Variants in DYNC1I1 observed in about 807,000 individuals in gnomAD.
DYNC1I1 encodes cytoplasmic dynein 1 intermediate chain 1.
Under a neutral mutation model 86.6 loss-of-function variants are expected in DYNC1I1, and 43 were observed. The ratio of observed to expected loss-of-function variants is 0.50; its 90% CI spans 0.39 to 0.64. DYNC1I1 has a LOEUF of 0.64. Ranked by LOEUF, DYNC1I1 falls within the 30% of genes least tolerant of loss-of-function variation. DYNC1I1 has a pLI of 0.00. For synonymous variants in DYNC1I1, 262 were observed against 283.7 expected, an observed-to-expected ratio of 0.92 and a Z score of 0.77; for missense variants, 604 against 788.8, an observed-to-expected ratio of 0.77 and a Z score of 2.81.
intron 6 of DYNC1I1, among the ~76,000 whole-genome samples, chr7:95,885,556 G>T (rs968486845): frequency 6.6e-6 from 1 of 152,096 alleles, no homozygotes; most frequent in Non-Finnish European, 1.5e-5. Flanking sequence ...ATAGCTCACT[G>T]CAGGCTCAAC....
chr7:95,980,536 C>CTTTTTT (rs56835338), intron 7 of DYNC1I1, among the ~76,000 whole-genome samples: 1 of 54,428 alleles, frequency 1.8e-5, no homozygotes. Context: ...AGAAATCTGG[C>CTTTTTT]TTTTTTTTTT....
chr7:95,847,576 C>A (rs1789467710), intron 5 of DYNC1I1, among the ~76,000 whole-genome samples: 1 of 152,158 alleles, frequency 6.6e-6, no homozygotes, highest in Non-Finnish European at 1.5e-5. Context: ...TCTTACCCAG[C>A]AACTTTTAAT....
chr7:95,855,601 T>C (rs1054998048), intron 5 of DYNC1I1, among the ~76,000 whole-genome samples: 1 of 152,336 alleles, frequency 6.6e-6, no homozygotes, highest in Non-Finnish European at 1.5e-5. Context: ...TAGAATGTAC[T>C]TACACAAGCG....
At chr7:95,893,159 C>T (rs1213169983) in intron 6 of DYNC1I1, among the ~76,000 whole-genome samples, 7 of 152,166 alleles carry the variant, frequency 4.6e-5, no homozygotes, top group Non-Finnish European at 1.5e-5. Flanking sequence ...CCACAACAGG[C>T]TGATTTCCAA....
intron 10 of DYNC1I1, among the ~76,000 whole-genome samples, chr7:96,000,798 A>AG (rs368913133): frequency 3.3e-5 from 5 of 152,252 alleles, no homozygotes; most frequent in African/African-American, 1.2e-4. Flanking sequence ...CATCTGGGGA[A>AG]GTTAGAATTA....
At chr7:95,922,109 A>G (rs1791625010) in intron 6 of DYNC1I1, among the ~76,000 whole-genome samples, 1 of 152,306 alleles carries the variant, frequency 6.6e-6, no homozygotes, top group African/African-American at 2.4e-5. Flanking sequence ...AATTTCAATG[A>G]CACAAAATTA....
intron 1 of DYNC1I1, among the ~76,000 whole-genome samples, chr7:95,780,296 G>A (rs1319911189): frequency 2.6e-5 from 4 of 151,320 alleles, no homozygotes; most frequent in Admixed American, 6.6e-5. Context: ...TTTTGAGACG[G>A]AGTCTCTGTC....
At position 96,039,324 on chromosome 7, in the gene DYNC1I1, C is replaced by T; in HGVS notation, c.1412C>T (p.Thr471Ile). 1 of 1,614,110 alleles carries T rather than the reference C, an allele frequency of 6.2e-7. No homozygotes were observed. Among genetic ancestry groups the T allele is most frequent in the Non-Finnish European group, 8.5e-7 (1 of 1,179,982 alleles). ...TTTGAAGGTCACCAAGGGCCAGTGA[C>T]AGGAATTAACTGCCACATGGCAGTG... is the stretch of plus-strand genomic sequence containing the variant. ...EVFEGHQGPV[T>I]GINCHMAVGP... Residue 471 changes from threonine to isoleucine, a missense_variant, in exon 14 of 17, where the codon ACA becomes ATA. Physicochemically the swap from Thr to Ile is moderately conservative, Grantham distance 89 (BLOSUM62 -1). Coordinates refer to ENST00000447467, the MANE Select transcript of DYNC1I1 (RefSeq NM_001135556.2).
At chr7:95,988,083 A>T in intron 9 of DYNC1I1, among the ~76,000 whole-genome samples, 1 of 152,194 alleles carries the variant, frequency 6.6e-6, no homozygotes, top group East Asian at 1.9e-4. Context: ...TAAAATAAAA[A>T]TCTGATCACT....
intron 5 of DYNC1I1, among the ~76,000 whole-genome samples, chr7:95,840,608 AT>A (rs1212414410): frequency 2.0e-5 from 3 of 152,042 alleles, no homozygotes; most frequent in Admixed American, 2.0e-4. Context: ...ACATATTTTC[AT>A]TTTCTTTGAT....
chr7:95,863,447 T>A (rs554814114), intron 5 of DYNC1I1, among the ~76,000 whole-genome samples: 1 of 152,272 alleles, frequency 6.6e-6, no homozygotes, highest in Admixed American at 6.5e-5. Context: ...ATTTTGTGAA[T>A]ATACTAATAA....
At chr7:95,995,184 T>C (rs1194932411) in intron 9 of DYNC1I1, among the ~76,000 whole-genome samples, 2 of 151,752 alleles carry the variant, frequency 1.3e-5, no homozygotes, top group Non-Finnish European at 2.9e-5. Flanking sequence ...GAGGTGGAGC[T>C]TGTAGTGAGC....
At position 96,072,871 on chromosome 7, in the gene DYNC1I1, T is replaced by C. The variant is rs563683328; in HGVS notation, c.1510-3186T>C. Among the ~76,000 whole-genome samples, 4 of 152,332 alleles carry C rather than the reference T, an allele frequency of 2.6e-5. No individual in the cohort carries two copies. In the South Asian group the frequency reaches 6.2e-4, roughly 24 times the overall value. On this transcript the variant is annotated intron_variant, in intron 14 of 16. Transcript: ENST00000447467. ...ATATACATGAGTTTACCTTAAAATA[T>C]TTTATGCATGAGACAGATTTTTTTA...
intron 16 of DYNC1I1, among the ~76,000 whole-genome samples, chr7:96,091,805 A>AT (rs1790856811): frequency 6.6e-6 from 1 of 152,134 alleles, no homozygotes; most frequent in Admixed American, 6.6e-5. Context: ...AAGTCATTTG[A>AT]TTTTTTTAAC....
At chr7:95,901,380 A>G (rs1791032976) in intron 6 of DYNC1I1, among the ~76,000 whole-genome samples, 1 of 152,214 alleles carries the variant, frequency 6.6e-6, no homozygotes, top group African/African-American at 2.4e-5. Flanking sequence ...AGTAGAATGT[A>G]TCATTGCATC....
intron 10 of DYNC1I1, among the ~76,000 whole-genome samples, chr7:96,018,973 A>G (rs1794472982): frequency 6.6e-6 from 1 of 152,226 alleles, no homozygotes; most frequent in African/African-American, 2.4e-5. Context: ...TTAAATACAC[A>G]GATCACTAGA....
rs150673205 is a variant in DYNC1I1 at position 95,978,988 on chromosome 7, G to T, written c.580+1387G>T. 7.6e-3 allele frequency among the ~76,000 whole-genome samples: 1,155 copies of T among 152,218 alleles called. 18 individuals carry two copies. Among genetic ancestry groups the T allele is most frequent in the African/African-American group, 0.026 (1,095 of 41,556 alleles). ...TTTTTGTATTTGTAGTAGAGACGGG[G>T]TTTCACCATACTGGCCAGGCTGGTC... On this transcript the variant is annotated intron_variant, in intron 7 of 16. Transcript: ENST00000447467.
chr7:96,004,952 A>G (rs1794105490), intron 10 of DYNC1I1, among the ~76,000 whole-genome samples: 1 of 152,230 alleles, frequency 6.6e-6, no homozygotes, highest in Non-Finnish European at 1.5e-5. Context: ...ATCAAATCTT[A>G]TGATTGCTCT....
chr7:95,833,702 A>G (rs1788989674), intron 5 of DYNC1I1, among the ~76,000 whole-genome samples: 1 of 148,578 alleles, frequency 6.7e-6, no homozygotes, highest in African/African-American at 2.5e-5. Flanking sequence ...TGTAAGTTGG[A>G]TTCCTAGGTA....
Sources: allele counts gnomAD v4.1 joint callset (sites outside exome capture counted in the v4.1 genomes callset), GRCh38; gene constraint gnomAD v4.1.1; transcripts MANE v1.5; gene names NCBI Gene and HGNC (gene_info 2026-07-23, HGNC 2026-07-21).